Variants in NF1 observed in about 807,000 individuals in gnomAD.
NF1 encodes neurofibromin.
In NF1, 122 loss-of-function variants were observed where a neutral mutation model predicts 325.7. The ratio of observed to expected loss-of-function variants is 0.37; its 90% confidence interval spans 0.32 to 0.44. NF1 has a LOEUF of 0.44. Among genes scored for constraint, NF1 ranks in the 20% least tolerant of loss-of-function variants. The probability of loss-of-function intolerance (pLI) is 1.00; values close to 1 mark genes in which losing one functional copy is unlikely to be tolerated. For missense variants in NF1, 2,140 were observed against 3,415.4 expected, an observed-to-expected ratio of 0.63 and a Z score of 9.31; for synonymous variants, 1,091 against 1,186.0, an observed-to-expected ratio of 0.92 and a Z score of 1.65.
At chr17:31,255,223 T>TA (rs1462785522) in intron 31 of NF1, among the ~76,000 whole-genome samples, 1 of 152,192 alleles carries the variant, frequency 6.6e-6, no homozygotes, top group Non-Finnish European at 1.5e-5. Context: ...GCATTCGCGT[T>TA]ATGTAGTCAG....
intron 36 of NF1, chr17:31,307,913 C>G: frequency 3.1e-6 from 4 of 1,289,182 alleles, no homozygotes; most frequent in Non-Finnish European, 4.0e-6. Flanking sequence ...AACAGCATAT[C>G]ATTGCTTACT....
rs138883766 is a variant in NF1, at chr17:31,328,688, G to A, written c.5609+849G>A. ...GATAATTCTTTGTCTCAAGTACCCT[G>A]AGACTTTGAAGATTTTTCAGATGTA... On this transcript the variant is annotated intron_variant, in intron 38 of 57. Coordinates refer to ENST00000358273, the MANE Select transcript of NF1 (RefSeq NM_001042492.3). 5.9e-5 allele frequency among the ~76,000 whole-genome samples: 9 copies of A among 152,128 alleles called. No homozygotes were observed. In the East Asian group the frequency reaches 1.7e-3, roughly 29 times the overall value.
At chr17:31,373,438 C>T (rs957723139) in intron 57 of NF1, among the ~76,000 whole-genome samples, 16 of 152,218 alleles carry the variant, frequency 1.1e-4, no homozygotes, top group South Asian at 4.1e-4. Context: ...CTGCCAGCCT[C>T]TAGCTTTTCC....
intron 36 of NF1, among the ~76,000 whole-genome samples, chr17:31,322,206 C>G (rs72815631): frequency 6.6e-6 from 1 of 151,972 alleles, no homozygotes; most frequent in Non-Finnish European, 1.5e-5. Flanking sequence ...GGGCTGAACA[C>G]GGTGGCTCAC....
At position 31,226,690 on chromosome 17, in the gene NF1, T is replaced by C; in HGVS notation, c.2251+6T>C. 6.2e-7 allele frequency: 1 copy of C among 1,613,594 alleles called. No homozygotes were observed. Among genetic ancestry groups the C allele is most frequent in the Non-Finnish European group, 8.5e-7 (1 of 1,179,742 alleles). On this transcript the variant is annotated splice_donor_region_variant and intron_variant, in intron 18 of 57. Coordinates refer to ENST00000358273, the MANE Select transcript of NF1 (RefSeq NM_001042492.3). ...CAGCAATATGATGTCAACAGGTAAA[T>C]GTGAATAGTGGTTTTTTTTACTCAG...
chr17:31,206,741 G>A (rs1424061372), intron 12 of NF1, among the ~76,000 whole-genome samples: 1 of 152,042 alleles, frequency 6.6e-6, no homozygotes, highest in Non-Finnish European at 1.5e-5. Flanking sequence ...CTGGGTTAGA[G>A]TGAATGTTGC....
chr17:31,362,967 G>T (rs2070431761), intron 57 of NF1, among the ~76,000 whole-genome samples: 1 of 152,156 alleles, frequency 6.6e-6, no homozygotes, highest in Non-Finnish European at 1.5e-5. Context: ...ACTTAAAATT[G>T]TTTATTAAAA....
chr17:31,298,503 G>A (rs1445518583), intron 36 of NF1, among the ~76,000 whole-genome samples: 1 of 152,010 alleles, frequency 6.6e-6, no homozygotes. Flanking sequence ...AGAATTTGTT[G>A]TATTAAAATT....
In NF1 at chr17:31,221,898, G is replaced by A. The variant is rs2144004484; in HGVS notation, c.1690G>A (p.Asp564Asn). 1 of 1,606,796 alleles carries A rather than the reference G, an allele frequency of 6.2e-7. No individual in the cohort carries two copies. Among genetic ancestry groups the A allele is most frequent in the Non-Finnish European group, 8.5e-7 (1 of 1,179,050 alleles). Residue 564 changes from aspartate to asparagine, a missense_variant, in exon 15 of 58, where the codon GAT becomes AAT. Physicochemically the swap from Asp to Asn is conservative, Grantham distance 23. Coordinates refer to ENST00000358273, the MANE Select transcript of NF1 (RefSeq NM_001042492.3). ...QLDSIDLWNPDAPVETFWEIS... is the reference protein window; with the variant it reads ...QLDSIDLWNPNAPVETFWEIS... ...AGATAGCATTGATTTGTGGAATCCT[G>A]ATGCTCCTGTAGAAACATTTTGGGA...
chr17:31,221,597 T>G (rs72813690), intron 14 of NF1, among the ~76,000 whole-genome samples: 1 of 152,268 alleles, frequency 6.6e-6, no homozygotes, highest in Non-Finnish European at 1.5e-5. Context: ...TCCGAATTCA[T>G]CATTTAGCTT....
At chr17:31,240,190 G>A (rs777692015) in intron 29 of NF1, among the ~76,000 whole-genome samples, 1 of 152,000 alleles carries the variant, frequency 6.6e-6, no homozygotes, top group Non-Finnish European at 1.5e-5. Flanking sequence ...ATATTCTTTT[G>A]TACACATTAA....
At chr17:31,225,608 G>A (rs1284827968) in intron 17 of NF1, among the ~76,000 whole-genome samples, 4 of 152,038 alleles carry the variant, frequency 2.6e-5, no homozygotes, top group African/African-American at 4.8e-5. Flanking sequence ...AATTCGTACC[G>A]GCTAACAAAG....
chr17:31,243,077 C>G (rs1055750243), intron 29 of NF1, among the ~76,000 whole-genome samples: 2 of 152,134 alleles, frequency 1.3e-5, no homozygotes, highest in Non-Finnish European at 2.9e-5. Context: ...CCTTGGTGGT[C>G]TTGCATAAGA....
chr17:31,095,096 T>TC lies in NF1; in HGVS notation c.-208dup. On this transcript the variant is annotated 5_prime_UTR_variant, in exon 1 of 58. Coordinates refer to ENST00000358273, the MANE Select transcript of NF1 (RefSeq NM_001042492.3). ...CCCGGGTCCCCTTCCCCTATCCCCCTCCCCCCAGCCTCCTTGCCAACGCCC... is the reference window on the plus strand; with the variant it reads ...CCCGGGTCCCCTTCCCCTATCCCCCTCCCCCCCAGCCTCCTTGCCAACGCCC... The TC allele has an allele frequency of 4.5e-5, 1 of 22,062 alleles. No homozygotes were observed. Among genetic ancestry groups the TC allele is most frequent in the Non-Finnish European group, 8.5e-5 (1 of 11,762 alleles). The allele number at this position is 22,062 out of a possible 1,614,324, so 1.4% of individuals were successfully genotyped here.
rs554851928 is a variant in NF1 at position 31,312,005 on chromosome 17, T to C, written c.4836-13815T>C. On this transcript the variant is annotated intron_variant, in intron 36 of 57. Transcript: ENST00000358273. ...CGAAAACTATTATAAGAATTTGGAATGGTTTCTATAAAGTGTCATATTTAG... is the reference window on the plus strand; with the variant it reads ...CGAAAACTATTATAAGAATTTGGAACGGTTTCTATAAAGTGTCATATTTAG... Among the ~76,000 whole-genome samples the C allele has an allele frequency of 2.0e-5, 3 of 152,324 alleles. No homozygotes were observed. The East Asian group carries it at 5.8e-4, about 29-fold the overall frequency.
rs780247942 is a variant in NF1 at position 31,337,842 on chromosome 17, G to A, written c.6666G>A (p.Thr2222=). ...AGGCATGCATGAGAGATATTCCAAC[G>A]TGCAAGTGGCTGGACCAGTGGACAG... ...IMEACMRDIP[T]CKWLDQWTEL... The change falls in exon 44 of 58, where the codon ACG becomes ACA. Residue 2222 remains threonine, a synonymous_variant. Coordinates refer to ENST00000358273, the MANE Select transcript of NF1 (RefSeq NM_001042492.3). 15 of 1,613,758 alleles carry A rather than the reference G, an allele frequency of 9.3e-6. No homozygotes were observed. Among genetic ancestry groups the A allele is most frequent in the Admixed American group, 6.7e-5 (4 of 59,980 alleles).
intron 8 of NF1, among the ~76,000 whole-genome samples, chr17:31,191,893 G>C (rs2066348536): frequency 6.6e-6 from 1 of 151,972 alleles, no homozygotes; most frequent in Admixed American, 6.6e-5. Flanking sequence ...ATGTTTCTTT[G>C]CCATTTGCAT....
At chr17:31,309,910 A>T (rs979478448) in intron 36 of NF1, among the ~76,000 whole-genome samples, 1 of 152,192 alleles carries the variant, frequency 6.6e-6, no homozygotes, top group Admixed American at 6.5e-5. Context: ...ACCACTCTTC[A>T]GTTAGCTTTT....
Position 31,360,924 on chromosome 17 carries a change from CAT to C in NF1, c.8377+222_8377+223del. On this transcript the variant is annotated intron_variant, in intron 57 of 57. Coordinates refer to ENST00000358273, the MANE Select transcript of NF1 (RefSeq NM_001042492.3). Reference sequence around the variant, plus strand: ...AGACAGTAAAATGTTAAAATGTCCACATGATATTCCAAGGTTGACAAGTTTGT... The same window carrying C: ...AGACAGTAAAATGTTAAAATGTCCACGATATTCCAAGGTTGACAAGTTTGT... The C allele has an allele frequency of 2.6e-5, 15 of 574,180 alleles. No individual in the cohort carries two copies. The South Asian group carries it at 3.0e-4, about 12-fold the overall frequency. 35.6% of individuals were successfully genotyped at this position (574,180 alleles called of 1,614,324 possible). A position where few individuals can be genotyped will look rare whatever the true frequency, so the allele number is the denominator to read the frequency against.
Sources: gnomAD v4.1 joint callset for allele counts (sites outside exome capture counted in the v4.1 genomes callset) on GRCh38, gnomAD v4.1.1 for gene constraint, MANE v1.5 for transcripts, NCBI Gene and HGNC (gene_info 2026-07-23, HGNC 2026-07-21) for gene names.